Variants in NPC1 observed in about 807,000 individuals in gnomAD.
The protein encoded by NPC1 is Niemann-Pick C1 protein.
A neutral mutation model predicts 140.4 loss-of-function variants in NPC1; 85 were observed. The observed-to-expected ratio is 0.61, with a 90% CI of 0.51 to 0.72. The LOEUF is 0.72. NPC1 is among the 30% of genes least tolerant of loss of function. NPC1 has a pLI of 0.00. For synonymous variants in NPC1, 656 were observed against 624.8 expected, an observed-to-expected ratio of 1.05 and a Z score of -0.74; for missense variants, 1,504 against 1,623.8, an observed-to-expected ratio of 0.93 and a Z score of 1.27.
chr18:23,515,990 C>G (rs776864076), intron 3 of NPC1: 5 of 1,614,120 alleles, frequency 3.1e-6, no homozygotes, highest in Non-Finnish European at 4.2e-6. Flanking sequence ...AGCCTTTTCA[C>G]TTTAGGGTAA....
chr18:23,552,355 A>AG (rs1157938740), intron 9 of NPC1, among the ~76,000 whole-genome samples: 2 of 152,238 alleles, frequency 1.3e-5, no homozygotes, highest in African/African-American at 4.8e-5. Context: ...GTGCCCACCA[A>AG]GGGGGCTCCT....
At position 23,556,255 on chromosome 18, in the gene NPC1, C is replaced by CT; in HGVS notation, c.1313dup (p.Ile439AspfsTer7). 6.2e-7 allele frequency: 1 copy of CT among 1,614,116 alleles called. No homozygotes were observed. Among genetic ancestry groups the CT allele is most frequent in the Non-Finnish European group, 8.5e-7 (1 of 1,180,012 alleles). The stretch of plus-strand genomic sequence containing the variant: ...AACAGCAGGTTACCTGGTGCAGTAT[C>CT]TGTATGTCAAGCGGAGGTCCAAAGG... On this transcript the variant is annotated frameshift_variant, in exon 8 of 25. Transcript: ENST00000269228. LOFTEE classifies it high-confidence loss of function.
Position 23,560,359 on chromosome 18 carries a change from G to A in NPC1, c.753C>T (p.Pro251=). Residue 251 remains proline (P), a synonymous_variant, in exon 6 of 25, where the codon CCC becomes CCT. Transcript: ENST00000269228. ...QDCSIVCGPK[P]QPPPPPAPWT... Reference sequence around the variant, plus strand: ...AGGGAGCAGGAGGAGGTGGGGGCTGGGGCTTGGGGCCACAGACAATAGAGC... The same window carrying A: ...AGGGAGCAGGAGGAGGTGGGGGCTGAGGCTTGGGGCCACAGACAATAGAGC... 1 of 1,614,098 alleles carries A rather than the reference G, an allele frequency of 6.2e-7. No homozygotes were observed. Among genetic ancestry groups the A allele is most frequent in the East Asian group, 2.2e-5 (1 of 44,902 alleles).
At chr18:23,582,332 G>A (rs1044802918) in intron 1 of NPC1, among the ~76,000 whole-genome samples, 6 of 152,168 alleles carry the variant, frequency 3.9e-5, no homozygotes, top group Non-Finnish European at 4.4e-5. Flanking sequence ...TGCTGCCAAA[G>A]CAAATGTTCC....
chr18:23,539,594 T>C (rs942049132), intron 18 of NPC1, 124 bp from the exon 19 acceptor site: 28 of 805,014 alleles, frequency 3.5e-5, no homozygotes, highest in African/African-American at 3.5e-4. Flanking sequence ...AAAGAAAAAC[T>C]ACATGAGCAC....
intron 18 of NPC1, 75 bp from the exon 19 acceptor site, chr18:23,539,545 C>G (rs1375770678): frequency 3.8e-6 from 4 of 1,058,600 alleles, no homozygotes; most frequent in East Asian, 5.1e-5. Flanking sequence ...TTTCTTAAAA[C>G]CTAACTTCCT....
intron 10 of NPC1, among the ~76,000 whole-genome samples, chr18:23,548,676 C>A (rs745325789): frequency 1.5e-4 from 23 of 152,186 alleles, no homozygotes; most frequent in Non-Finnish European, 2.6e-4. Flanking sequence ...CCAATCCCCC[C>A]CAACTGATGA....
intron 13 of NPC1, among the ~76,000 whole-genome samples, chr18:23,544,064 G>T (rs1489255409): frequency 1.3e-5 from 2 of 152,082 alleles, no homozygotes; most frequent in African/African-American, 4.8e-5. Flanking sequence ...TTGTACACAT[G>T]ATACTATTTA....
chr18:23,555,000 A>T lies in NPC1; in HGVS notation c.1327-16T>A. ...AGTCAAGAACCTGAAAGAAGATTTT[A>T]AAAATAAGCAAACCCAGAAACACGT... On this transcript the variant is annotated splice_polypyrimidine_tract_variant and intron_variant, in intron 8 of 24. Coordinates refer to ENST00000269228, the MANE Select transcript of NPC1 (RefSeq NM_000271.5). The T allele has an allele frequency of 6.6e-7, 1 of 1,519,000 alleles. No individual in the cohort carries two copies. Among genetic ancestry groups the T allele is most frequent in the Admixed American group, 1.7e-5 (1 of 59,742 alleles). 94.1% of individuals were successfully genotyped at this position (1,519,000 alleles called of 1,614,324 possible).
intron 8 of NPC1, among the ~76,000 whole-genome samples, chr18:23,555,862 T>C (rs1407550936): frequency 6.6e-6 from 1 of 152,220 alleles, no homozygotes; most frequent in African/African-American, 2.4e-5. Flanking sequence ...TTCATGCCTC[T>C]GGGTCCTTGC....
At chr18:23,530,279 A>G (rs370483111), downstream of NPC1, 29 of 1,614,094 alleles carry the variant, frequency 1.8e-5, no homozygotes, top group South Asian at 6.6e-5. Context: ...CTCATCAGCT[A>G]TCTCTGGACA....
At chr18:23,533,961 T>G in intron 23 of NPC1, 1 of 318,504 alleles carries the variant, frequency 3.1e-6, no homozygotes, top group South Asian at 3.0e-5. Context: ...CTGCATCGTG[T>G]CTCCCAATTG....
intron 3 of NPC1, among the ~76,000 whole-genome samples, chr18:23,570,368 T>A (rs949148096): frequency 5.9e-5 from 9 of 152,230 alleles, no homozygotes; most frequent in Non-Finnish European, 1.3e-4. Context: ...TCACCTACGG[T>A]GGATCCTAAA....
rs758814720 is a variant in NPC1 at position 23,533,359 on chromosome 18, G to A, written c.3750C>T (p.Tyr1250=). 6.8e-6 allele frequency: 11 copies of A among 1,613,566 alleles called. No individual in the cohort carries two copies. Among genetic ancestry groups the A allele is most frequent in the African/African-American group, 4.0e-5 (3 of 74,906 alleles). ...GLIFLPVLLS[Y]IGPSVNKAKS... is the part of the protein sequence containing the mutation. ...TTTTAAGATGAGAACTCTTACCTAT[G>A]TAACTGAGTAAGACAGGGAGAAATA... The change falls in exon 24 of 25, where the codon TAC becomes TAT. Residue 1250 remains tyrosine (Y), a synonymous_variant. Coordinates refer to ENST00000269228, the MANE Select transcript of NPC1 (RefSeq NM_000271.5).
rs1805084 is a variant in NPC1, at chr18:23,532,242, C to T, written c.3797G>A (p.Arg1266Gln). ...CCGTTCGCGCTCTGTTCCTTTGTAT[C>T]GCTCTTCAGTGGCACAACTTTTGGC... ...NKAKSCATEE[R>Q]YKGTERERLL... The change falls in exon 25 of 25, where the codon CGA becomes CAA. Residue 1266 changes from arginine (R) to glutamine (Q), a missense_variant. Arg to Gln is a conservative substitution (Grantham distance 43, BLOSUM62 1). Transcript: ENST00000269228. 80,174 of 1,614,046 alleles carry T rather than the reference C, an allele frequency of 0.05. 4,326 individuals are homozygous for T. Among genetic ancestry groups the T allele is most frequent in the African/African-American group, 0.24 (18,063 of 74,980 alleles).
chr18:23,579,369 C>T (rs1221676276), intron 1 of NPC1, among the ~76,000 whole-genome samples: 1 of 152,218 alleles, frequency 6.6e-6, no homozygotes, highest in East Asian at 1.9e-4. Context: ...TCAAAACTCA[C>T]AATGAGCTGA....
intron 2 of NPC1, 63 bp from the exon 3 acceptor site, chr18:23,572,243 C>CT: frequency 9.3e-7 from 1 of 1,079,762 alleles, no homozygotes; most frequent in Non-Finnish European, 1.4e-6. Context: ...CAACATTCCT[C>CT]AGTGAACTAA....
chr18:23,547,887 A>G (rs2058811256), intron 11 of NPC1, 119 bp downstream of exon 11: 3 of 785,876 alleles, frequency 3.8e-6, no homozygotes, highest in African/African-American at 3.4e-5. Context: ...CAAGTGAACA[A>G]AACTACGTAA....
downstream of NPC1, chr18:23,531,439 G>A: frequency 8.0e-7 from 1 of 1,251,726 alleles, no homozygotes; most frequent in Non-Finnish European, 1.1e-6. Context: ...AGGTTAGATA[G>A]AATCTCTTCC....
Sources: allele counts gnomAD v4.1 joint callset (sites outside exome capture counted in the v4.1 genomes callset), GRCh38; gene constraint gnomAD v4.1.1; transcripts MANE v1.5; gene names NCBI Gene and HGNC (gene_info 2026-07-23, HGNC 2026-07-21).